PLXNB3: variants seen among roughly 807,000 people sequenced by gnomAD.
PLXNB3 encodes plexin-B3.
PLXNB3 carries 80 observed loss-of-function variants against 125.7 expected under a neutral mutation model. The observed-to-expected ratio is 0.64, with a 90% CI of 0.53 to 0.77. The LOEUF is 0.77. Among genes scored for constraint, PLXNB3 ranks in the 30% least tolerant of loss-of-function variants. The probability of loss-of-function intolerance (pLI) is 0.00; values close to 1 mark genes in which losing one functional copy is unlikely to be tolerated. For missense variants in PLXNB3, 1,836 were observed against 1,729.3 expected (o/e 1.06, Z -1.09); for synonymous variants, 954 against 783.3 (o/e 1.22, Z -3.64).
chrX:153,765,686 G>A (rs1444683819), intron 2 of PLXNB3, 106 bp downstream of exon 2: 1 of 1,155,025 alleles, frequency 8.7e-7, no homozygotes, highest in Non-Finnish European at 1.2e-6. Context: ...CCTCCCTCAT[G>A]GCAGACACTG....
Position 153,774,771 on chromosome X carries a change from C to A in PLXNB3, c.3896C>A (p.Thr1299Asn), listed in dbSNP as rs1557063407. ...CTAGTGCAGCTGGAGAGCCTGGAGA[C>A]CGGCGTGGGAGACCAGTGCCGCAAG... ...KVLVQLESLETGVGDQCRKEF... is the reference protein window; with the variant it reads ...KVLVQLESLENGVGDQCRKEF... Residue 1299 changes from threonine to asparagine, a missense_variant, in exon 23 of 36, where the codon ACC (threonine) becomes AAC (asparagine). Physicochemically the swap from Thr to Asn is moderately conservative, Grantham distance 65. Coordinates refer to ENST00000361971, the MANE Select transcript of PLXNB3 (RefSeq NM_005393.3). 17 of 1,203,018 alleles carry A rather than the reference C, an allele frequency of 1.4e-5. No individual in the cohort carries two copies. Among genetic ancestry groups the A allele is most frequent in the Non-Finnish European group, 1.9e-5 (17 of 890,959 alleles).
At chrX:153,769,727 C>CAGAGAGAAA in intron 6 of PLXNB3, 80 bp from the exon 7 acceptor site, 1 of 1,040,303 alleles carries the variant, frequency 9.6e-7, no homozygotes, top group East Asian at 3.3e-5. Flanking sequence ...CCAGCTGGGC[C>CAGAGAGAAA]GGCCTCCCCA....
chrX:153,767,975 C>T (rs1669132356), intron 3 of PLXNB3, 62 bp downstream of exon 3: 14 of 1,043,083 alleles, frequency 1.3e-5, no homozygotes, highest in Non-Finnish European at 1.7e-5. Context: ...CAGCACTGGA[C>T]AGGGGTGCCT....
intron 3 of PLXNB3, 102 bp downstream of exon 3, chrX:153,768,015 G>A (rs1455562849): frequency 2.2e-6 from 2 of 922,102 alleles, no homozygotes; most frequent in South Asian, 2.6e-5. Context: ...CAACCTCTCA[G>A]CCAGGGGTCA....
chrX:153,773,689 C>T lies in PLXNB3; in HGVS notation c.3255C>T (p.Ile1085=). 8.6e-7 allele frequency: 1 copy of T among 1,167,145 alleles called. No individual in the cohort carries two copies. Among genetic ancestry groups the T allele is most frequent in the Non-Finnish European group, 1.1e-6 (1 of 873,882 alleles). The part of the protein sequence containing the change: ...GAPAADPQAC[I]QLGGGLLQCS... ...CTGCTGCGGACCCCCAGGCTTGTAT[C>T]CAGCTCGGTGGGGGGCTGCTGCAGG... Residue 1085 remains isoleucine (I), a synonymous_variant, in exon 19 of 36, where the codon ATC becomes ATT. Transcript: ENST00000361971.
Position 153,773,560 on chromosome X carries a change from G to C in PLXNB3, c.3126G>C (p.Val1042=). The part of the protein sequence containing the change: ...LIRVRGTGLD[V]VQRPLLSVWL... ...GTGTCAGGGGCACCGGCCTAGACGT[G>C]GTGCAGCGGCCCCTACTGTCTGTGT... is the stretch of plus-strand genomic sequence containing the variant. Residue 1042 remains valine, a synonymous_variant, in exon 19 of 36, where the codon GTG becomes GTC. Transcript: ENST00000361971. The C allele has an allele frequency of 8.3e-7, 1 of 1,205,037 alleles. No individual in the cohort carries two copies. The highest frequency in any genetic ancestry group is 1.1e-6 in the Non-Finnish European group (1 of 892,239).
Position 153,774,499 on chromosome X carries a change from A to T in PLXNB3, c.3758A>T (p.Glu1253Val). 8.3e-7 allele frequency: 1 copy of T among 1,206,996 alleles called. No homozygotes were observed. The highest frequency in any genetic ancestry group is 1.7e-5 in the African/African-American group (1 of 57,865). The change falls in exon 22 of 36, where the codon GAG becomes GTG. Residue 1253 changes from glutamate (E) to valine (V), a missense_variant. Coordinates refer to ENST00000361971, the MANE Select transcript of PLXNB3 (RefSeq NM_005393.3). ...CCCCCGCTGTCTGCCTTTCCCGTGG[A>T]GGCCCAGGCAGGCGTGGGCATGGGT... ...AEPPLSAFPV[E>V]AQAGVGMGAA...
At position 153,776,924 on chromosome X, in the gene PLXNB3, T is replaced by C. The variant is rs1557064587; in HGVS notation, c.4871T>C (p.Leu1624Pro). The C allele has an allele frequency of 1.7e-6, 2 of 1,201,732 alleles. No individual in the cohort carries two copies. The highest frequency in any genetic ancestry group is 2.2e-6 in the Non-Finnish European group (2 of 890,055). ...DGATVGLVPQLHRGSTISQSL... is the reference protein window; with the variant it reads ...DGATVGLVPQPHRGSTISQSL... ...GCAACAGTGGGGCTCGTCCCTCAGCTGCACCGTGGCAGCACCATCTCCCAG... is the reference window on the plus strand; with the variant it reads ...GCAACAGTGGGGCTCGTCCCTCAGCCGCACCGTGGCAGCACCATCTCCCAG... The change falls in exon 29 of 36, where the codon CTG (leucine) becomes CCG (proline). Residue 1624 changes from leucine to proline, a missense_variant. Leu to Pro is a moderately conservative substitution (Grantham distance 98, BLOSUM62 -3). Transcript: ENST00000361971.
In PLXNB3 at chrX:153,771,575, G is replaced by C; in HGVS notation, c.2437G>C (p.Gly813Arg). 8.3e-7 allele frequency: 1 copy of C among 1,208,904 alleles called. No individual in the cohort carries two copies. Among genetic ancestry groups the C allele is most frequent in the Non-Finnish European group, 1.1e-6 (1 of 894,652 alleles). The change falls in exon 14 of 36, where the codon GGC (glycine) becomes CGC (arginine). Residue 813 changes from glycine (G) to arginine (R), a missense_variant. Coordinates refer to ENST00000361971, the MANE Select transcript of PLXNB3 (RefSeq NM_005393.3). Reference protein sequence around the residue: ...RSLGCLWCADGQPACRYGPLC... With the variant: ...RSLGCLWCADRQPACRYGPLC... ...CCTGGGCTGCCTGTGGTGTGCTGAC[G>C]GCCAGCCTGCCTGTCGCTATGGGCC...
Position 153,766,119 on chromosome X carries a change from G to A in PLXNB3, c.45+539G>A, listed in dbSNP as rs1336600937. On this transcript the variant is annotated intron_variant, in intron 2 of 35. Coordinates refer to ENST00000361971, the MANE Select transcript of PLXNB3 (RefSeq NM_005393.3). Reference sequence around the variant, plus strand: ...CAGGAGCAGGCCTCCCCGCACCCCTGAAGCCTGTGTTGTCTCTTGACACCC... The same window carrying A: ...CAGGAGCAGGCCTCCCCGCACCCCTAAAGCCTGTGTTGTCTCTTGACACCC... The A allele has an allele frequency of 6.4e-6, 7 of 1,087,126 alleles. No homozygotes were observed. In the Admixed American group the frequency reaches 2.5e-4, roughly 39 times the overall value. The allele number at this position is 1,087,126 out of a possible 1,213,427, so 89.6% of individuals were successfully genotyped here.
At chrX:153,770,737 T>C in intron 10 of PLXNB3, 21 bp from the exon 11 acceptor site, 1 of 1,203,357 alleles carries the variant, frequency 8.3e-7, no homozygotes. Flanking sequence ...TCTGAAGGGC[T>C]GAGGGCTCTT....
At chrX:153,766,017 T>C in intron 2 of PLXNB3, 18 of 1,032,893 alleles carry the variant, frequency 1.7e-5, no homozygotes, top group Non-Finnish European at 2.2e-5. Flanking sequence ...CCTGGTCTGC[T>C]CTTCTCCTGG....
At position 153,770,892 on chromosome X, in the gene PLXNB3, T is replaced by C; in HGVS notation, c.2136+9T>C. 1 of 1,204,552 alleles carries C rather than the reference T, an allele frequency of 8.3e-7. No homozygotes were observed. Among genetic ancestry groups the C allele is most frequent in the African/African-American group, 1.7e-5 (1 of 57,860 alleles). Reference sequence around the variant, plus strand: ...ACCTTCAACATTTCCGAGTGAGCCATCAGGAGGGAAGGGGACAGGGCAGTG... The same window carrying C: ...ACCTTCAACATTTCCGAGTGAGCCACCAGGAGGGAAGGGGACAGGGCAGTG... On this transcript the variant is annotated intron_variant, in intron 11 of 35. Transcript: ENST00000361971.
rs1012373226 is a variant in PLXNB3 at position 153,766,126 on chromosome X, G to A, written c.45+546G>A. ...AGGCCTCCCCGCACCCCTGAAGCCT[G>A]TGTTGTCTCTTGACACCCCTGGCTT... On this transcript the variant is annotated intron_variant, in intron 2 of 35. Coordinates refer to ENST00000361971, the MANE Select transcript of PLXNB3 (RefSeq NM_005393.3). 6.6e-5 allele frequency: 72 copies of A among 1,090,561 alleles called. No homozygotes were observed. In the African/African-American group the frequency reaches 1.3e-3, roughly 19 times the overall value. The allele number at this position is 1,090,561 out of a possible 1,213,427, so 89.9% of individuals were successfully genotyped here.
rs147911027 is a variant in PLXNB3 at position 153,771,014 on chromosome X, G to A, written c.2186G>A (p.Arg729Gln). ...TGGCTGGAGCTGCCTGGAGAACTTC[G>A]GGGACTGCCGGCCACCCTGGAGGAG... ...HCWLELPGEL[R>Q]GLPATLEETA... The change falls in exon 12 of 36, where the codon CGG becomes CAG. Residue 729 changes from arginine to glutamine, a missense_variant. Arg to Gln is a conservative substitution (Grantham distance 43). Coordinates refer to ENST00000361971, the MANE Select transcript of PLXNB3 (RefSeq NM_005393.3). 30 of 1,209,560 alleles carry A rather than the reference G, an allele frequency of 2.5e-5. No homozygotes were observed. The highest frequency in any genetic ancestry group is 2.4e-4 in the Admixed American group (11 of 45,983).
chrX:153,777,986 C>T lies in PLXNB3; in HGVS notation c.5300C>T (p.Pro1767Leu). 1 of 1,211,383 alleles carries T rather than the reference C, an allele frequency of 8.3e-7. No individual in the cohort carries two copies. Among genetic ancestry groups the T allele is most frequent in the Non-Finnish European group, 1.1e-6 (1 of 895,164 alleles). Residue 1767 changes from proline to leucine, a missense_variant, in exon 32 of 36, where the codon CCA becomes CTA. Pro to Leu is a moderately conservative substitution (Grantham distance 98). Transcript: ENST00000361971. ...LRFWVNALKN[P>L]QLIFDVRVSD... ...TTCTGGGTGAATGCCTTGAAGAACC[C>T]ACAGCTCATCTTTGATGTACGGGTG...
chrX:153,767,961 C>T, intron 3 of PLXNB3, 48 bp downstream of exon 3: 2 of 1,060,135 alleles, frequency 1.9e-6, no homozygotes, highest in South Asian at 2.4e-5. Context: ...TGGCTGGCAT[C>T]TTTCAGCACT....
Position 153,771,302 on chromosome X carries a change from G to A in PLXNB3, c.2254-8G>A. On this transcript the variant is annotated splice_region_variant and splice_polypyrimidine_tract_variant and intron_variant, in intron 12 of 35. Coordinates refer to ENST00000361971, the MANE Select transcript of PLXNB3 (RefSeq NM_005393.3). The stretch of plus-strand genomic sequence containing the variant: ...GGCACCCAGCCTGACCCCACACTCT[G>A]CCCACAGTTTTATCCCTCCATGTCC... The A allele has an allele frequency of 8.3e-7, 1 of 1,201,889 alleles. No individual in the cohort carries two copies.
chrX:153,769,314 G>A lies in PLXNB3; in HGVS notation c.1496+52G>A, dbSNP rs782612543. The A allele has an allele frequency of 2.2e-5, 22 of 1,010,799 alleles. No individual in the cohort carries two copies. The East Asian group carries it at 5.0e-4, about 23-fold the overall frequency. 83.3% of individuals were successfully genotyped at this position (1,010,799 alleles called of 1,213,427 possible). ...AGGGCCAACGGGTGGTGTGTGCCAC[G>A]AGGCTGCCCCTGGAAGTAGCCCTAG... On this transcript the variant is annotated intron_variant, in intron 6 of 35. Transcript: ENST00000361971.
Sources: gnomAD v4.1 joint callset for allele counts on GRCh38, gnomAD v4.1.1 for gene constraint, MANE v1.5 for transcripts, NCBI Gene and HGNC (gene_info 2026-07-23, HGNC 2026-07-21) for gene names.